GLIPR1L1: variants seen among roughly 807,000 people sequenced by gnomAD.
GLIPR1L1 encodes the protein GLIPR1-like protein 1.
In GLIPR1L1, 26 loss-of-function variants were observed where a neutral mutation model predicts 29.9. The ratio of observed to expected loss-of-function variants is 0.87; its 90% CI spans 0.64 to 1.21. The LOEUF (loss-of-function observed/expected upper bound fraction) is 1.21, where lower values mean the gene tolerates loss of function less well. GLIPR1L1 is among the 50% of genes most tolerant of loss of function. GLIPR1L1 has a pLI of 0.00. For missense variants in GLIPR1L1, 305 were observed against 290.3 expected, an observed-to-expected ratio of 1.05 and a Z score of -0.37; for synonymous variants, 77 against 97.5, an observed-to-expected ratio of 0.79 and a Z score of 1.24.
chr12:75,340,708 GAA>G (rs1217298126), intron 1 of GLIPR1L1, among the ~76,000 whole-genome samples: 1 of 146,916 alleles, frequency 6.8e-6, no homozygotes, highest in Non-Finnish European at 1.5e-5. Context: ...CCTATCTAGA[GAA>G]AGAAGTCTCA....
At position 75,351,337 on chromosome 12, in the gene GLIPR1L1, C is replaced by T. The variant is rs112978848; in HGVS notation, c.521+3615C>T. 2.8e-3 allele frequency among the ~76,000 whole-genome samples: 424 copies of T among 152,076 alleles called. 2 individuals are homozygous for T. The highest frequency in any genetic ancestry group is 9.8e-3 in the African/African-American group (408 of 41,476). ...TTCAAATTCAGGAAATCCAGAGAAC[C>T]CCCGTAAGATACTCCATGAGAAGAT... is the stretch of plus-strand genomic sequence containing the variant. On this transcript the variant is annotated intron_variant, in intron 3 of 5. Transcript: ENST00000378695.
At chr12:75,361,123 A>T (rs1467382011) in intron 3 of GLIPR1L1, 1 of 152,088 alleles carries the variant, frequency 6.6e-6, no homozygotes, top group East Asian at 1.9e-4. Flanking sequence ...ACTGGAAAGT[A>T]CCTCTTTGTG....
At chr12:75,354,309 A>G (rs1051816381) in intron 3 of GLIPR1L1, among the ~76,000 whole-genome samples, 1 of 152,122 alleles carries the variant, frequency 6.6e-6, no homozygotes, top group African/African-American at 2.4e-5. Context: ...GCAGACAAAA[A>G]AAGTCACAAG....
intron 4 of GLIPR1L1, among the ~76,000 whole-genome samples, chr12:75,368,356 C>T (rs1280178744): frequency 6.7e-6 from 1 of 149,564 alleles, no homozygotes; most frequent in Non-Finnish European, 1.5e-5. Flanking sequence ...TACATGTTAA[C>T]TTTAACAATT....
intron 4 of GLIPR1L1, among the ~76,000 whole-genome samples, chr12:75,367,697 T>C (rs2044074533): frequency 6.6e-6 from 1 of 152,170 alleles, no homozygotes; most frequent in Non-Finnish European, 1.5e-5. Context: ...TTCTGACAGT[T>C]TATTGATTTT....
At chr12:75,346,966 CATT>C (rs1287540557) in intron 2 of GLIPR1L1, among the ~76,000 whole-genome samples, 1 of 151,530 alleles carries the variant, frequency 6.6e-6, no homozygotes, top group Admixed American at 6.6e-5. Flanking sequence ...TTTATTCTAT[CATT>C]GTCACAAAAA....
At chr12:75,339,254 T>C (rs531361452) in intron 1 of GLIPR1L1, among the ~76,000 whole-genome samples, 1 of 152,280 alleles carries the variant, frequency 6.6e-6, no homozygotes, top group East Asian at 1.9e-4. Context: ...CCCGCAACAC[T>C]GCCAGCACCT....
At chr12:75,346,794 C>T (rs902590794) in intron 2 of GLIPR1L1, among the ~76,000 whole-genome samples, 7 of 152,016 alleles carry the variant, frequency 4.6e-5, no homozygotes, top group East Asian at 1.9e-4. Context: ...CATCAATTTA[C>T]GAAATAGCTT....
At chr12:75,366,011 C>G (rs954622336) in intron 4 of GLIPR1L1, among the ~76,000 whole-genome samples, 1 of 152,044 alleles carries the variant, frequency 6.6e-6, no homozygotes, top group Non-Finnish European at 1.5e-5. Context: ...TCCACTTGAT[C>G]AATAAACAAA....
intron 3 of GLIPR1L1, among the ~76,000 whole-genome samples, chr12:75,362,845 C>T (rs1381643846): frequency 6.6e-6 from 1 of 152,094 alleles, no homozygotes; most frequent in Non-Finnish European, 1.5e-5. Context: ...CTATCACATG[C>T]ATAATTACAC....
intron 3 of GLIPR1L1, among the ~76,000 whole-genome samples, chr12:75,350,997 A>C (rs2042772245): frequency 6.6e-6 from 1 of 152,250 alleles, no homozygotes. Flanking sequence ...TTTAGAGAGG[A>C]ACATAAATGA....
chr12:75,361,193 G>C (rs951525486), intron 3 of GLIPR1L1, among the ~76,000 whole-genome samples: 6 of 151,924 alleles, frequency 3.9e-5, no homozygotes, highest in East Asian at 3.9e-4. Flanking sequence ...TGGTCTGTTG[G>C]TATGCCAAAA....
chr12:75,366,394 G>A (rs2043963965), intron 4 of GLIPR1L1, among the ~76,000 whole-genome samples: 2 of 152,124 alleles, frequency 1.3e-5, no homozygotes, highest in Non-Finnish European at 2.9e-5. Context: ...TAGAGAAGTA[G>A]AGAACTTAGG....
intron 3 of GLIPR1L1, among the ~76,000 whole-genome samples, chr12:75,349,042 GAA>G (rs2042636024): frequency 6.6e-6 from 1 of 151,974 alleles, no homozygotes; most frequent in African/African-American, 2.4e-5. Flanking sequence ...AGAGTTCACG[GAA>G]AAGAGTACCA....
chr12:75,341,750 T>TTTC (rs2042133367), intron 1 of GLIPR1L1, among the ~76,000 whole-genome samples: 1 of 138,458 alleles, frequency 7.2e-6, no homozygotes, highest in Non-Finnish European at 1.6e-5. Context: ...CCGGCCTCTT[T>TTTC]TTTTTTTTTT....
rs2044178139 is a variant in GLIPR1L1 at position 75,368,992 on chromosome 12, AC to A, written c.611-967del. ...AGTTATGTTTCATTTATGTTCTATG[AC>A]TTTTGACTTGTACTTTTTCTCTTTT... On this transcript the variant is annotated intron_variant, in intron 4 of 5. Coordinates refer to ENST00000378695, the MANE Select transcript of GLIPR1L1 (RefSeq NM_001304964.2). Among the ~76,000 whole-genome samples, 4 of 151,822 alleles carry A rather than the reference AC, an allele frequency of 2.6e-5. No homozygotes were observed. In the South Asian group the frequency reaches 8.3e-4, roughly 31 times the overall value.
At chr12:75,369,827 G>A in intron 4 of GLIPR1L1, 133 bp from the exon 5 acceptor site, 3 of 1,321,384 alleles carry the variant, frequency 2.3e-6, no homozygotes, top group African/African-American at 3.0e-5. Context: ...GAGTAGGAAA[G>A]TTTCATTTTC....
intron 2 of GLIPR1L1, 60 bp downstream of exon 2, chr12:75,343,998 T>C: frequency 7.2e-7 from 1 of 1,392,706 alleles, no homozygotes; most frequent in Admixed American, 2.1e-5. Context: ...ATTGCCAGAA[T>C]TTATTTCTCT....
rs993910184 is a variant in GLIPR1L1 at position 75,370,343 on chromosome 12, A to C, written c.*167A>C. 3 of 506,604 alleles carry C rather than the reference A, an allele frequency of 5.9e-6. No individual in the cohort carries two copies. The highest frequency in any genetic ancestry group is 5.7e-5 in the African/African-American group (3 of 52,698). 31.4% of individuals were successfully genotyped at this position (506,604 alleles called of 1,614,324 possible). Reference sequence around the variant, plus strand: ...TCAAAAAATGTACTGTAGTATGGAAAATGGATAGCAGTAGAATAAAGTCTT... The same window carrying C: ...TCAAAAAATGTACTGTAGTATGGAACATGGATAGCAGTAGAATAAAGTCTT... On this transcript the variant is annotated 3_prime_UTR_variant, in exon 6 of 6. Coordinates refer to ENST00000378695, the MANE Select transcript of GLIPR1L1 (RefSeq NM_001304964.2).
Sources: gnomAD v4.1 joint callset for allele counts (sites outside exome capture counted in the v4.1 genomes callset) on GRCh38, gnomAD v4.1.1 for gene constraint, MANE v1.5 for transcripts, NCBI Gene and HGNC (gene_info 2026-07-23, HGNC 2026-07-21) for gene names.